Variants in GABRR3 observed in about 807,000 individuals in gnomAD.
The protein encoded by GABRR3 is gamma-aminobutyric acid type A receptor subunit rho3, also known as gamma-aminobutyric acid receptor subunit rho-3.
A neutral mutation model predicts 43.2 loss-of-function variants in GABRR3; 29 were observed. The observed-to-expected ratio is 0.67, with a 90% confidence interval of 0.50 to 0.92. The LOEUF (loss-of-function observed/expected upper bound fraction) is 0.92, where lower values mean the gene tolerates loss of function less well. Ranked by LOEUF, GABRR3 falls within the 40% of genes least tolerant of loss-of-function variation. GABRR3 has a pLI of 0.00. For missense variants in GABRR3, 576 were observed against 572.3 expected, an observed-to-expected ratio of 1.01 and a Z score of -0.07; for synonymous variants, 206 against 195.9, an observed-to-expected ratio of 1.05 and a Z score of -0.43.
intron 2 of GABRR3, among the ~76,000 whole-genome samples, chr3:98,029,999 C>A (rs1250799971): frequency 6.6e-6 from 1 of 151,598 alleles, no homozygotes; most frequent in African/African-American, 2.4e-5. Flanking sequence ...CCTGTAATTT[C>A]ATCTACTCAG....
At chr3:98,025,448 C>A in intron 3 of GABRR3, 119 bp downstream of exon 3, 2 of 605,370 alleles carry the variant, frequency 3.3e-6, no homozygotes, top group Non-Finnish European at 5.6e-6. Flanking sequence ...TTGTAAAAGC[C>A]TTCTTTTTTT....
chr3:98,015,040 A>G (rs920117493), intron 4 of GABRR3, among the ~76,000 whole-genome samples: 1 of 152,270 alleles, frequency 6.6e-6, no homozygotes, highest in Non-Finnish European at 1.5e-5. Flanking sequence ...ACACACATGT[A>G]AAATATTCCA....
Position 98,012,112 on chromosome 3 carries a change from C to T in GABRR3, c.530+232G>A, listed in dbSNP as rs190222583. 9.0e-4 allele frequency among the ~76,000 whole-genome samples: 137 copies of T among 152,274 alleles called. No homozygotes were observed. In the Middle Eastern group the frequency reaches 0.01, roughly 11 times the overall value. On this transcript the variant is annotated intron_variant, in intron 5 of 9. Transcript: ENST00000621172. ...TAGGATTTCCATAATTCAGCTCATT[C>T]TATTTGTCCAATCGACATATACCCA...
At chr3:98,021,520 T>A (rs532443394) in intron 3 of GABRR3, among the ~76,000 whole-genome samples, 1 of 152,294 alleles carries the variant, frequency 6.6e-6, no homozygotes, top group East Asian at 1.9e-4. Flanking sequence ...GCTGTGATTA[T>A]GTGAAAGGAA....
At chr3:97,989,972 C>T (rs1706440370) in intron 9 of GABRR3, among the ~76,000 whole-genome samples, 1 of 151,998 alleles carries the variant, frequency 6.6e-6, no homozygotes, top group Non-Finnish European at 1.5e-5. Flanking sequence ...CTTCCAACTC[C>T]ATATATATAT....
Position 98,034,856 on chromosome 3 carries a change from A to G in GABRR3, c.125+7T>C, listed in dbSNP as rs527275820. The G allele has an allele frequency of 1.2e-6, 2 of 1,612,770 alleles. No individual in the cohort carries two copies. The highest frequency in any genetic ancestry group is 8.5e-7 in the Non-Finnish European group (1 of 1,179,062). On this transcript the variant is annotated splice_region_variant and intron_variant, in intron 2 of 9. Coordinates refer to ENST00000621172, the Ensembl canonical transcript of GABRR3. ...TAATTCCATGGACTGCACTATGAGC[A>G]TCTTACCAGGTTTGTTTCATTGAAG...
Position 98,017,729 on chromosome 3 carries a change from AAAG to A in GABRR3, c.239-10_239-8del, listed in dbSNP as rs1706888570. On this transcript the variant is annotated splice_polypyrimidine_tract_variant and splice_region_variant and intron_variant, in intron 3 of 9. Transcript: ENST00000621172. Reference sequence around the variant, plus strand: ...CCTACTGGCACTGGAGACCCTTAAGAAAGAAGAATGGTTAATATGCTGAGGAAT... The same window carrying A: ...CCTACTGGCACTGGAGACCCTTAAGAAAGAATGGTTAATATGCTGAGGAAT... 3.8e-6 allele frequency: 6 copies of A among 1,597,030 alleles called. No individual in the cohort carries two copies. The East Asian group carries it at 6.7e-5, about 18-fold the overall frequency.
At chr3:98,010,863 G>A (rs1464532019) in intron 5 of GABRR3, among the ~76,000 whole-genome samples, 3 of 152,200 alleles carry the variant, frequency 2.0e-5, no homozygotes, top group Non-Finnish European at 2.9e-5. Flanking sequence ...ACTTTGGGGG[G>A]CCGAGGCGGG....
At chr3:98,002,403 T>G (rs1706661385) in intron 7 of GABRR3, among the ~76,000 whole-genome samples, 1 of 152,168 alleles carries the variant, frequency 6.6e-6, no homozygotes, top group Non-Finnish European at 1.5e-5. Flanking sequence ...ACTGCGCTAA[T>G]TAAAAGCACC....
At chr3:98,012,797 A>C (rs1706818151) in intron 4 of GABRR3, among the ~76,000 whole-genome samples, 1 of 152,200 alleles carries the variant, frequency 6.6e-6, no homozygotes, top group Admixed American at 6.5e-5. Context: ...TTATAATAGA[A>C]TATTCAAGTT....
chr3:98,017,783 TA>T (rs1706889259), intron 3 of GABRR3, 61 bp from the exon 4 acceptor site: 3 of 1,185,140 alleles, frequency 2.5e-6, no homozygotes, highest in Admixed American at 4.3e-5. Context: ...TAAAACCATT[TA>T]AAACAGAGAG....
intron 2 of GABRR3, among the ~76,000 whole-genome samples, chr3:98,031,066 T>C (rs1262890923): frequency 1.3e-5 from 2 of 152,200 alleles, no homozygotes; most frequent in African/African-American, 4.8e-5. Flanking sequence ...GTAGTGAATC[T>C]TATGGCTCTG....
At chr3:97,987,114 A>C (rs1706397946) in intron 9 of GABRR3, 132 bp from the exon 10 acceptor site, 1 of 657,696 alleles carries the variant, frequency 1.5e-6, no homozygotes, top group Non-Finnish European at 2.5e-6. Context: ...TTGTTTTTCA[A>C]CTTATTTTTT....
intron 3 of GABRR3, 162 bp from the exon 4 acceptor site, chr3:98,017,884 C>T (rs1706891104): frequency 6.5e-6 from 1 of 153,714 alleles, no homozygotes; most frequent in South Asian, 2.1e-4. Flanking sequence ...TTATTATATA[C>T]TCAATTATTA....
rs539780477 is a variant in GABRR3, at chr3:98,016,833, T to A, written c.306+822A>T. On this transcript the variant is annotated intron_variant, in intron 4 of 9. Coordinates refer to ENST00000621172, the Ensembl canonical transcript of GABRR3. ...AAATCACTTAAATGAAAAATGTCTC[T>A]GGTAATTATGTAAACAAGGAAAGTG... 1.2e-4 allele frequency among the ~76,000 whole-genome samples: 19 copies of A among 152,296 alleles called. No homozygotes were observed. The South Asian group carries it at 2.3e-3, about 18-fold the overall frequency.
At chr3:97,992,790 A>G in intron 9 of GABRR3, 62 bp downstream of exon 9, 1 of 1,435,344 alleles carries the variant, frequency 7.0e-7, no homozygotes, top group Non-Finnish European at 9.4e-7. Flanking sequence ...AGAGAGGGCA[A>G]TAGATAAGGG....
At chr3:97,992,042 A>G (rs929062665) in intron 9 of GABRR3, among the ~76,000 whole-genome samples, 22 of 152,212 alleles carry the variant, frequency 1.4e-4, no homozygotes, top group African/African-American at 4.6e-4. Context: ...GAAGTACAAT[A>G]TCTTATATAA....
At chr3:97,985,188 T>G (rs1352281146), downstream of GABRR3, among the ~76,000 whole-genome samples, 1 of 152,238 alleles carries the variant, frequency 6.6e-6, no homozygotes, top group Non-Finnish European at 1.5e-5. Context: ...GCCAAGGGCT[T>G]TTCTTTAAAT....
chr3:98,029,670 A>G (rs1406183142), intron 2 of GABRR3, among the ~76,000 whole-genome samples: 1 of 152,212 alleles, frequency 6.6e-6, no homozygotes, highest in African/African-American at 2.4e-5. Flanking sequence ...CGAAGAGACT[A>G]GTTACCCAAG....
Sources: allele counts gnomAD v4.1 joint callset (sites outside exome capture counted in the v4.1 genomes callset), GRCh38; gene constraint gnomAD v4.1.1; transcripts MANE v1.5; gene names NCBI Gene and HGNC (gene_info 2026-07-23, HGNC 2026-07-21).